The following INO80 variants were observed in gnomAD, a reference collection of about 807,000 sequenced individuals.
INO80 encodes chromatin-remodeling ATPase INO80.
A neutral mutation model predicts 203.4 loss-of-function variants in INO80; 20 were observed. The observed-to-expected ratio is 0.10, with a 90% confidence interval of 0.07 to 0.14. INO80 has a LOEUF of 0.14. INO80 is among the 10% of genes least tolerant of loss of function. The probability of loss-of-function intolerance (pLI) is 1.00; values close to 1 mark genes in which losing one functional copy is unlikely to be tolerated. For missense variants in INO80, 1,419 were observed against 1,914.4 expected (o/e 0.74, Z 4.83); for synonymous variants, 726 against 685.2 (o/e 1.06, Z -0.93).
intron 22 of INO80, among the ~76,000 whole-genome samples, chr15:41,047,886 A>G (rs2044797662): frequency 6.6e-6 from 1 of 152,216 alleles, no homozygotes; most frequent in Non-Finnish European, 1.5e-5. Flanking sequence ...TCTTTTCCTT[A>G]GGCTAAGACG....
In INO80 at chr15:41,049,313, G is replaced by T; in HGVS notation, c.2550C>A (p.Ile850=). The T allele has an allele frequency of 6.2e-7, 1 of 1,613,524 alleles. No homozygotes were observed. The highest frequency in any genetic ancestry group is 1.1e-5 in the South Asian group (1 of 91,042). ...TGTCTCGTGAATGATTGAAGACCCT[G>T]ATCTGTCCATGACGGTAGATAAACT... ...ISKFIYRHGQ[I]RVFNHSRDRW... Residue 850 remains isoleucine (I), a synonymous_variant, in exon 21 of 36, where the codon ATC becomes ATA. Coordinates refer to ENST00000648947, the MANE Select transcript of INO80 (RefSeq NM_017553.3).
At position 41,055,230 on chromosome 15, in the gene INO80, C is replaced by T; in HGVS notation, c.2188+17G>A. The T allele has an allele frequency of 6.9e-7, 1 of 1,443,666 alleles. No homozygotes were observed. Among genetic ancestry groups the T allele is most frequent in the Non-Finnish European group, 9.7e-7 (1 of 1,030,242 alleles). The allele number at this position is 1,443,666 out of a possible 1,614,324, so 89.4% of individuals were successfully genotyped here. A position where few individuals can be genotyped will look rare whatever the true frequency, so the allele number is the denominator to read the frequency against. On this transcript the variant is annotated intron_variant, in intron 18 of 35. Transcript: ENST00000648947. ...CACTGATAGGTAGATAGAAAGCCAGCTCATAACAGTACTCACTCTCATCAA... is the reference window on the plus strand; with the variant it reads ...CACTGATAGGTAGATAGAAAGCCAGTTCATAACAGTACTCACTCTCATCAA...
intron 24 of INO80, 25 bp downstream of exon 24, chr15:41,044,879 A>G (rs1184970361): frequency 6.4e-7 from 1 of 1,574,402 alleles, no homozygotes; most frequent in Non-Finnish European, 8.6e-7. Flanking sequence ...CTAAGTAGGT[A>G]ATTTATGCTC....
chr15:41,031,344 A>T (rs1403577378), intron 24 of INO80, among the ~76,000 whole-genome samples: 1 of 151,504 alleles, frequency 6.6e-6, no homozygotes, highest in African/African-American at 2.4e-5. Flanking sequence ...TGTAGATAGA[A>T]AAGAAAGTTT....
intron 25 of INO80, among the ~76,000 whole-genome samples, chr15:41,022,858 T>G (rs1055695092): frequency 3.3e-5 from 5 of 152,142 alleles, no homozygotes; most frequent in Non-Finnish European, 7.3e-5. Flanking sequence ...TCCCAGCACT[T>G]TGGAAGGCTG....
intron 27 of INO80, chr15:41,011,756 G>C (rs948058924): frequency 6.6e-6 from 1 of 152,160 alleles, no homozygotes; most frequent in African/African-American, 2.4e-5. Context: ...ATTTCTAAGA[G>C]AGGCCAACTC....
At chr15:41,077,334 A>G (rs1290430492) in intron 9 of INO80, among the ~76,000 whole-genome samples, 13 of 151,300 alleles carry the variant, frequency 8.6e-5, no homozygotes, top group Admixed American at 7.9e-4. Flanking sequence ...CTCCCAAAAG[A>G]AAAACAATAC....
chr15:41,061,368 A>G (rs1188277956), intron 14 of INO80, among the ~76,000 whole-genome samples: 1 of 151,082 alleles, frequency 6.6e-6, no homozygotes, highest in Admixed American at 6.6e-5. Context: ...GCACTTTGCA[A>G]GGCCAAAGCA....
At chr15:41,107,309 T>C (rs890849785) in intron 1 of INO80, among the ~76,000 whole-genome samples, 14 of 152,174 alleles carry the variant, frequency 9.2e-5, no homozygotes, top group Non-Finnish European at 1.8e-4. Flanking sequence ...GAGACCAGCC[T>C]GGTCAACAAG....
At chr15:40,993,414 G>A (rs1161182026) in intron 29 of INO80, among the ~76,000 whole-genome samples, 1 of 152,120 alleles carries the variant, frequency 6.6e-6, no homozygotes, top group East Asian at 1.9e-4. Flanking sequence ...ACCTTCCCAG[G>A]TGACCTCATA....
At chr15:40,994,843 A>T (rs2043860990) in intron 29 of INO80, among the ~76,000 whole-genome samples, 1 of 152,202 alleles carries the variant, frequency 6.6e-6, no homozygotes, top group East Asian at 1.9e-4. Context: ...TTGTTGAATG[A>T]ATCAATGAAT....
intron 24 of INO80, among the ~76,000 whole-genome samples, chr15:41,038,588 C>T (rs1020302726): frequency 6.6e-6 from 1 of 152,122 alleles, no homozygotes; most frequent in African/African-American, 2.4e-5. Flanking sequence ...CCTCTGGATC[C>T]TCTCTTGAAC....
chr15:41,061,178 G>A lies in INO80; in HGVS notation c.1783-1252C>T, dbSNP rs114130636. 2.5e-3 allele frequency among the ~76,000 whole-genome samples: 378 copies of A among 151,958 alleles called. 2 individuals carry two copies. Among genetic ancestry groups the A allele is most frequent in the African/African-American group, 8.2e-3 (338 of 41,432 alleles). On this transcript the variant is annotated intron_variant, in intron 14 of 35. Coordinates refer to ENST00000648947, the MANE Select transcript of INO80 (RefSeq NM_017553.3). The stretch of plus-strand genomic sequence containing the variant: ...AAAAGTTAGCTAGGTGTGGTGACAC[G>A]CGCCTGCAGTCCCAGGAACTCACGA...
chr15:41,014,601 A>G, intron 27 of INO80, among the ~76,000 whole-genome samples: 1 of 152,214 alleles, frequency 6.6e-6, no homozygotes, highest in East Asian at 1.9e-4. Context: ...TCATTTAGGA[A>G]TAAGTGGCCT....
intron 25 of INO80, among the ~76,000 whole-genome samples, chr15:41,023,732 G>A (rs1422718513): frequency 1.7e-5 from 2 of 116,762 alleles, no homozygotes; most frequent in African/African-American, 6.7e-5. Flanking sequence ...TTGCACCACT[G>A]CACTCCAGCC....
At chr15:41,058,086 CAG>C (rs921573379) in intron 16 of INO80, among the ~76,000 whole-genome samples, 3 of 152,108 alleles carry the variant, frequency 2.0e-5, no homozygotes, top group Non-Finnish European at 2.9e-5. Flanking sequence ...ATAAAACAAA[CAG>C]AGCATCCAAT....
intron 25 of INO80, among the ~76,000 whole-genome samples, chr15:41,021,699 G>A (rs1320343376): frequency 6.6e-6 from 1 of 152,236 alleles, no homozygotes; most frequent in African/African-American, 2.4e-5. Flanking sequence ...AACTGGGGAA[G>A]GGGGAGTGCG....
intron 9 of INO80, among the ~76,000 whole-genome samples, chr15:41,075,679 C>T (rs979275572): frequency 6.6e-6 from 1 of 152,188 alleles, no homozygotes; most frequent in African/African-American, 2.4e-5. Flanking sequence ...TGGTCTCAAT[C>T]TCCCGACCTC....
At position 41,005,628 on chromosome 15, in the gene INO80, C is replaced by G; in HGVS notation, c.3462G>C (p.Ser1154=). Reference sequence around the variant, plus strand: ...AATCAGCAACCATGTCTCGCCTCTCCGAGATCTTGGATGAGCCATCAAGCC... The same window carrying G: ...AATCAGCAACCATGTCTCGCCTCTCGGAGATCTTGGATGAGCCATCAAGCC... ...YMRLDGSSKI[S]ERRDMVADFQ... is the part of the protein sequence containing the mutation. Residue 1154 remains serine (S), a synonymous_variant, in exon 28 of 36, where the codon TCG becomes TCC. Transcript: ENST00000648947. 1 of 1,608,710 alleles carries G rather than the reference C, an allele frequency of 6.2e-7. No individual in the cohort carries two copies. The highest frequency in any genetic ancestry group is 8.5e-7 in the Non-Finnish European group (1 of 1,175,806).
Sources: allele counts gnomAD v4.1 joint callset (sites outside exome capture counted in the v4.1 genomes callset), GRCh38; gene constraint gnomAD v4.1.1; transcripts MANE v1.5; gene names NCBI Gene and HGNC (gene_info 2026-07-23, HGNC 2026-07-21).